The following CASK variants were observed in gnomAD, a reference collection of about 807,000 sequenced individuals.
CASK encodes the protein peripheral plasma membrane protein CASK.
A neutral mutation model predicts 82.9 loss-of-function variants in CASK; 4 were observed. That is an observed-to-expected ratio of 0.05 (90% confidence interval 0.02 to 0.11). CASK has a LOEUF of 0.11. Ranked by LOEUF, CASK falls within the 10% of genes least tolerant of loss-of-function variation. The probability of loss-of-function intolerance (pLI) is 1.00; values close to 1 mark genes in which losing one functional copy is unlikely to be tolerated. For synonymous variants in CASK, 259 were observed against 253.5 expected (o/e 1.02, Z -0.20); for missense variants, 358 against 720.9 (o/e 0.50, Z 5.76).
At chrX:41,533,063 G>A (rs1400670980) in intron 24 of CASK, among the ~76,000 whole-genome samples, 2 of 111,306 alleles carry the variant, frequency 1.8e-5, no homozygotes, top group Non-Finnish European at 3.8e-5. Context: ...CACCCATCTC[G>A]GCCTCCCAAA....
chrX:41,566,636 A>G (rs1396534415), intron 16 of CASK, among the ~76,000 whole-genome samples: 1 of 112,154 alleles, frequency 8.9e-6, no homozygotes, highest in Non-Finnish European at 1.9e-5. Context: ...GGAAGAATCA[A>G]TATCATGAAA....
At chrX:41,657,964 A>G (rs2147457014) in intron 8 of CASK, among the ~76,000 whole-genome samples, 1 of 110,564 alleles carries the variant, frequency 9.0e-6, no homozygotes, top group Non-Finnish European at 1.9e-5. Flanking sequence ...GGTAGGGGAG[A>G]GGTACCAAAG....
At chrX:41,755,568 G>A (rs1002856449) in intron 3 of CASK, among the ~76,000 whole-genome samples, 17 of 111,881 alleles carry the variant, frequency 1.5e-4, no homozygotes, top group African/African-American at 5.5e-4. Context: ...CTTAGATCAG[G>A]AACAAGCCAA....
At chrX:41,806,067 G>T (rs2070118066) in intron 2 of CASK, among the ~76,000 whole-genome samples, 1 of 111,626 alleles carries the variant, frequency 9.0e-6, no homozygotes, top group African/African-American at 3.3e-5. Context: ...TATTGGAGAA[G>T]AGTACAGATG....
At chrX:41,909,312 C>T (rs1445296472) in intron 1 of CASK, among the ~76,000 whole-genome samples, 1 of 112,103 alleles carries the variant, frequency 8.9e-6, no homozygotes, top group African/African-American at 3.2e-5. Flanking sequence ...AAACATTTGT[C>T]ACTTGTAGTA....
intron 5 of CASK, among the ~76,000 whole-genome samples, chrX:41,736,562 T>A (rs1430923114): frequency 8.9e-6 from 1 of 111,768 alleles, no homozygotes; most frequent in Non-Finnish European, 1.9e-5. Flanking sequence ...AATATCAACA[T>A]TAACGTGTGC....
At chrX:41,657,787 T>C (rs2066966217) in intron 8 of CASK, among the ~76,000 whole-genome samples, 1 of 111,472 alleles carries the variant, frequency 9.0e-6, no homozygotes, top group Non-Finnish European at 1.9e-5. Context: ...TACTGTGAAA[T>C]ATATATTTGG....
chrX:41,749,788 T>C (rs1184246540), intron 3 of CASK, among the ~76,000 whole-genome samples: 1 of 111,752 alleles, frequency 8.9e-6, no homozygotes, highest in South Asian at 3.7e-4. Flanking sequence ...ATGGTAAATG[T>C]ATAGGTTAAC....
At chrX:41,665,473 A>G in intron 6 of CASK, 21 bp from the exon 7 acceptor site, 1 of 1,139,053 alleles carries the variant, frequency 8.8e-7, no homozygotes, top group Non-Finnish European at 1.2e-6. Flanking sequence ...AACAACATTA[A>G]GGAAAAATGT....
chrX:41,821,961 A>G (rs11797907), intron 2 of CASK, among the ~76,000 whole-genome samples: 21,459 of 111,144 alleles, frequency 0.19, 1,627 homozygotes, highest in Middle Eastern at 0.3. Flanking sequence ...GAGTCTTCTG[A>G]CTCACACCCC....
At chrX:41,668,183 T>A (rs1374213629) in intron 6 of CASK, among the ~76,000 whole-genome samples, 2 of 111,461 alleles carry the variant, frequency 1.8e-5, no homozygotes, top group Non-Finnish European at 3.8e-5. Flanking sequence ...AGTCCCTGCA[T>A]CCAATGCTAC....
Position 41,842,276 on chromosome X carries a change from T to G in CASK, c.172+10839A>C, listed in dbSNP as rs1310674107. Among the ~76,000 whole-genome samples, 18 of 111,577 alleles carry G rather than the reference T, an allele frequency of 1.6e-4. No homozygotes were observed. The Admixed American group carries it at 1.7e-3, about 11-fold the overall frequency. On this transcript the variant is annotated intron_variant, in intron 2 of 26. Transcript: ENST00000378163. ...TACACTATGTGTATTAATGTAGCTT[T>G]ATAGAAAATTCTGGGCCAGGCGCAG...
chrX:41,557,906 T>C (rs2065178149), intron 18 of CASK, among the ~76,000 whole-genome samples: 1 of 111,906 alleles, frequency 8.9e-6, no homozygotes, highest in African/African-American at 3.3e-5. Flanking sequence ...TTTGCTTCTG[T>C]AGAGTTCTTT....
rs777503423 is a variant in CASK, at chrX:41,696,761, T to C, written c.430-25231A>G. 8 of 1,173,863 alleles carry C rather than the reference T, an allele frequency of 6.8e-6. No individual in the cohort carries two copies. In the Admixed American group the frequency reaches 1.9e-4, roughly 28 times the overall value. ...CATCTGTGGCAGTGAAAATACAGTCTAGTTCTAAAAGTACTTGAGGTAAAC... is the reference window on the plus strand; with the variant it reads ...CATCTGTGGCAGTGAAAATACAGTCCAGTTCTAAAAGTACTTGAGGTAAAC... On this transcript the variant is annotated intron_variant, in intron 5 of 26. Coordinates refer to ENST00000378163, the MANE Select transcript of CASK (RefSeq NM_001367721.1).
intron 2 of CASK, among the ~76,000 whole-genome samples, chrX:41,810,502 A>T (rs764476233): frequency 9.0e-6 from 1 of 111,554 alleles, no homozygotes; most frequent in African/African-American, 3.2e-5. Flanking sequence ...TAAGTGAAAG[A>T]GAAATAAAAT....
chrX:41,790,286 T>C (rs1482501948), intron 2 of CASK: 5 of 630,577 alleles, frequency 7.9e-6, no homozygotes, highest in Admixed American at 4.9e-5. Context: ...AGGCTGGTCT[T>C]GAACTCCTGA....
chrX:41,665,296 A>G lies in CASK; in HGVS notation c.689T>C (p.Ile230Thr), dbSNP rs746295105. Residue 230 changes from isoleucine (I) to threonine (T), a missense_variant, in exon 7 of 27, where the codon ATT (isoleucine) becomes ACT (threonine). This residue lies in a region of CASK where 70 missense variants were observed against 228.4 expected (regional missense o/e 0.31). Coordinates refer to ENST00000378163, the MANE Select transcript of CASK (RefSeq NM_001367721.1). Reference sequence around the variant, plus strand: ...CATTACCTTATATTTTCCTTTAATAATGCCTTCAAACAATCTTTCCTTGGT... The same window carrying G: ...CATTACCTTATATTTTCCTTTAATAGTGCCTTCAAACAATCTTTCCTTGGT... ...YGTKERLFEGIIKGKYKMNPR... is the reference protein window; with the variant it reads ...YGTKERLFEGTIKGKYKMNPR... 3 of 1,206,652 alleles carry G rather than the reference A, an allele frequency of 2.5e-6. No individual in the cohort carries two copies. In the South Asian group the frequency reaches 5.3e-5, roughly 21 times the overall value.
In CASK at chrX:41,897,096, G is replaced by A. The variant is rs186573070; in HGVS notation, c.59+25834C>T. Among the ~76,000 whole-genome samples the A allele has an allele frequency of 2.6e-3, 286 of 111,300 alleles. 1 individual carries two copies. Among genetic ancestry groups the A allele is most frequent in the Admixed American group, 5.4e-3 (57 of 10,486 alleles). On this transcript the variant is annotated intron_variant, in intron 1 of 26. Transcript: ENST00000378163. ...ATTTTATTTCTTCCTTTCTGATTTG[G>A]ATGCATTTTTCTTGTGTACTCTGGC...
chrX:41,891,054 T>C (rs2072159466), intron 1 of CASK, among the ~76,000 whole-genome samples: 1 of 107,097 alleles, frequency 9.3e-6, no homozygotes. Context: ...CACCCAGCTA[T>C]TTTTTTTTAA....
Sources: gnomAD v4.1 joint callset for allele counts (sites outside exome capture counted in the v4.1 genomes callset) on GRCh38, gnomAD v4.1.1 for gene constraint, gnomAD v4.1.1 regional missense constraint, MANE v1.5 for transcripts, NCBI Gene and HGNC (gene_info 2026-07-23, HGNC 2026-07-21) for gene names.